The following RFC3 variants were observed in gnomAD, a reference collection of about 807,000 sequenced individuals.
RFC3 encodes A1 38 kDa subunit.
In RFC3, 41 loss-of-function variants were observed where a neutral mutation model predicts 45.1. That is an observed-to-expected ratio of 0.91 (90% CI 0.71 to 1.18). The LOEUF is 1.18. Among genes scored for constraint, RFC3 ranks in the 50% most tolerant of loss-of-function variants. The pLI is 0.00. For missense variants in RFC3, 423 were observed against 428.1 expected (o/e 0.99, Z 0.10); for synonymous variants, 149 against 144.0 (o/e 1.03, Z -0.25).
intron 8 of RFC3, among the ~76,000 whole-genome samples, chr13:33,904,088 C>T (rs1256888922): frequency 6.6e-6 from 1 of 151,792 alleles, no homozygotes; most frequent in Non-Finnish European, 1.5e-5. Flanking sequence ...TGAATTTGAA[C>T]ATACTAAAAT....
At chr13:33,909,344 C>G (rs1209813994) in intron 8 of RFC3, among the ~76,000 whole-genome samples, 3 of 151,992 alleles carry the variant, frequency 2.0e-5, no homozygotes, top group East Asian at 1.9e-4. Flanking sequence ...ACCTCCTGTT[C>G]TTAGACACGG....
At chr13:33,873,666 G>A (rs2082427236) in intron 8 of RFC3, among the ~76,000 whole-genome samples, 1 of 152,148 alleles carries the variant, frequency 6.6e-6, no homozygotes, top group African/African-American at 2.4e-5. Context: ...GTTTACTCAT[G>A]ATGAGACTTT....
intron 4 of RFC3, among the ~76,000 whole-genome samples, 180 bp downstream of exon 4, chr13:33,826,066 G>C (rs986308891): frequency 1.5e-4 from 23 of 151,880 alleles, no homozygotes; most frequent in African/African-American, 5.3e-4. Flanking sequence ...TGATATTTTA[G>C]AACAAGATGA....
chr13:33,902,177 A>C (rs1380642952), intron 8 of RFC3, among the ~76,000 whole-genome samples: 1 of 152,058 alleles, frequency 6.6e-6, no homozygotes, highest in African/African-American at 2.4e-5. Flanking sequence ...AGGCTGATGG[A>C]ATATGGTGAG....
chr13:33,898,123 A>G (rs1487061506), intron 8 of RFC3, among the ~76,000 whole-genome samples: 2 of 152,042 alleles, frequency 1.3e-5, no homozygotes, highest in Non-Finnish European at 2.9e-5. Context: ...TAAAAACTCA[A>G]CCATCAGAGT....
intron 2 of RFC3, among the ~76,000 whole-genome samples, 187 bp from the exon 3 acceptor site, chr13:33,823,730 A>T (rs1164073944): frequency 6.6e-6 from 1 of 152,118 alleles, no homozygotes; most frequent in East Asian, 1.9e-4. Flanking sequence ...TGTGTGATTG[A>T]CCCAATTTAT....
intron 8 of RFC3, among the ~76,000 whole-genome samples, chr13:33,919,276 A>G (rs1318782663): frequency 6.6e-6 from 1 of 151,842 alleles, no homozygotes; most frequent in Non-Finnish European, 1.5e-5. Context: ...TTTGACTACT[A>G]TTCTGCACCA....
chr13:33,899,204 CAAAAAAAAAAAAAAA>C (rs59221382), intron 8 of RFC3, among the ~76,000 whole-genome samples: 7 of 51,968 alleles, frequency 1.3e-4, no homozygotes, highest in African/African-American at 4.0e-4. Context: ...CACAATAAGA[CAAAAAAAAAAAAAAA>C]AAAAAAAAAA....
At chr13:33,920,889 G>T (rs2082764640) in intron 8 of RFC3, among the ~76,000 whole-genome samples, 1 of 151,980 alleles carries the variant, frequency 6.6e-6, no homozygotes. Context: ...TACATAGTTG[G>T]TTCATATTAT....
chr13:33,858,716 G>GA (rs1439677153), intron 8 of RFC3, among the ~76,000 whole-genome samples: 3 of 152,030 alleles, frequency 2.0e-5, no homozygotes, highest in African/African-American at 7.2e-5. Context: ...TTTTTATCGA[G>GA]AAAAAGTGGA....
chr13:33,851,987 A>T (rs922520891), intron 8 of RFC3, among the ~76,000 whole-genome samples: 10 of 152,218 alleles, frequency 6.6e-5, no homozygotes, highest in African/African-American at 2.4e-4. Context: ...TGATATTGTG[A>T]AACATTGATA....
intron 8 of RFC3, among the ~76,000 whole-genome samples, chr13:33,938,184 C>CAAAAAAAAAAAAAAAAAAAAAAAAAA (rs34685731): frequency 2.8e-5 from 2 of 70,768 alleles, no homozygotes; most frequent in African/African-American, 1.2e-4. Context: ...AGTCCAACTG[C>CAAAAAAAAAAAAAAAAAAAAAAAAAA]AAAAAAAAAA....
intron 8 of RFC3, among the ~76,000 whole-genome samples, chr13:33,886,241 C>G (rs1440997212): frequency 6.6e-6 from 1 of 151,962 alleles, no homozygotes; most frequent in Non-Finnish European, 1.5e-5. Context: ...CCACTTTTTT[C>G]TAGATTTTAA....
At chr13:33,958,421 T>A (rs941721776) in intron 8 of RFC3, among the ~76,000 whole-genome samples, 2 of 152,182 alleles carry the variant, frequency 1.3e-5, no homozygotes, top group Admixed American at 6.5e-5. Context: ...TTGCTCCTGT[T>A]CTTATAATCA....
intron 8 of RFC3, chr13:33,966,066 G>C: frequency 6.3e-7 from 1 of 1,580,562 alleles, no homozygotes; most frequent in East Asian, 2.2e-5. Context: ...CAATTGATTG[G>C]ATAGTGAATA....
At chr13:33,937,857 C>G (rs992641538) in intron 8 of RFC3, among the ~76,000 whole-genome samples, 1 of 152,130 alleles carries the variant, frequency 6.6e-6, no homozygotes, top group Non-Finnish European at 1.5e-5. Context: ...TTCCAAACCA[C>G]TAGCCATTAA....
At chr13:33,819,463 A>G (rs2081981640) in intron 1 of RFC3, among the ~76,000 whole-genome samples, 1 of 152,188 alleles carries the variant, frequency 6.6e-6, no homozygotes, top group Non-Finnish European at 1.5e-5. Flanking sequence ...AGATTTACAG[A>G]TACTATTTAA....
intron 8 of RFC3, among the ~76,000 whole-genome samples, chr13:33,962,675 A>G (rs2083064537): frequency 6.6e-6 from 1 of 152,220 alleles, no homozygotes. Flanking sequence ...AATATTTAAT[A>G]ACAGAGGGAA....
intron 8 of RFC3, among the ~76,000 whole-genome samples, chr13:33,874,939 T>G (rs920769601): frequency 1.3e-5 from 2 of 152,242 alleles, no homozygotes; most frequent in African/African-American, 4.8e-5. Context: ...ATCCCATTTT[T>G]ATTTTAATGT....
Sources: allele counts gnomAD v4.1 joint callset (sites outside exome capture counted in the v4.1 genomes callset), GRCh38; gene constraint gnomAD v4.1.1; transcripts MANE v1.5; gene names NCBI Gene and HGNC (gene_info 2026-07-23, HGNC 2026-07-21).